Variants in GLS observed in about 807,000 individuals in gnomAD.
GLS encodes the protein glutaminase.
In GLS, 36 loss-of-function variants were observed where a neutral mutation model predicts 86.7. That is an observed-to-expected ratio of 0.42 (90% CI 0.32 to 0.55). The LOEUF is 0.55. GLS is among the 20% of genes least tolerant of loss of function. The pLI, the probability that GLS is intolerant of heterozygous loss-of-function variation, is 0.17. For synonymous variants in GLS, 317 were observed against 305.9 expected, an observed-to-expected ratio of 1.04 and a Z score of -0.38; for missense variants, 528 against 833.4, an observed-to-expected ratio of 0.63 and a Z score of 4.51.
At chr2:190,958,876 T>C (rs1369526342) in intron 17 of GLS, among the ~76,000 whole-genome samples, 3 of 152,248 alleles carry the variant, frequency 2.0e-5, no homozygotes, top group Non-Finnish European at 4.4e-5. Flanking sequence ...GATGTGGTGC[T>C]GAGAAAAATG....
intron 1 of GLS, among the ~76,000 whole-genome samples, chr2:190,886,136 G>A (rs1688371857): frequency 6.6e-6 from 1 of 152,068 alleles, no homozygotes; most frequent in African/African-American, 2.4e-5. Flanking sequence ...CTCCCAAATT[G>A]CTGGGATTAC....
chr2:190,881,682 C>T (rs933951648), intron 1 of GLS: 9 of 477,764 alleles, frequency 1.9e-5, no homozygotes, highest in Admixed American at 4.4e-5. Context: ...GCACCCACTT[C>T]CCTTCTCCGC....
chr2:190,933,443 T>G lies in GLS; in HGVS notation c.1650+1806T>G, dbSNP rs974366161. On this transcript the variant is annotated intron_variant, in intron 14 of 17. Coordinates refer to ENST00000320717, the MANE Select transcript of GLS (RefSeq NM_014905.5). ...AGATTGGCTTTACATTTTAAAAAAT[T>G]TATTTAAAAATTTATCAAATGCTTT... 24 of 875,190 alleles carry G rather than the reference T, an allele frequency of 2.7e-5. 1 individual carries two copies. The Admixed American group carries it at 5.0e-4, about 18-fold the overall frequency. 54.2% of individuals were successfully genotyped at this position (875,190 alleles called of 1,614,324 possible).
chr2:190,945,136 C>T (rs2124937220), intron 14 of GLS, among the ~76,000 whole-genome samples: 1 of 152,286 alleles, frequency 6.6e-6, no homozygotes, highest in Admixed American at 6.5e-5. Flanking sequence ...CTTCCACTTA[C>T]CAGCTCTGAT....
chr2:190,891,779 C>G (rs1688571688), intron 1 of GLS, among the ~76,000 whole-genome samples: 1 of 152,112 alleles, frequency 6.6e-6, no homozygotes, highest in Non-Finnish European at 1.5e-5. Flanking sequence ...ATTCTCAACA[C>G]TAAAAAATTA....
intron 17 of GLS, among the ~76,000 whole-genome samples, chr2:190,960,572 T>C (rs1257743180): frequency 6.6e-6 from 1 of 151,388 alleles, no homozygotes; most frequent in Non-Finnish European, 1.5e-5. Flanking sequence ...GGCAGAATCT[T>C]ACTATGTTGC....
At chr2:190,907,867 T>C (rs1239546170) in intron 6 of GLS, among the ~76,000 whole-genome samples, 1 of 152,160 alleles carries the variant, frequency 6.6e-6, no homozygotes, top group Non-Finnish European at 1.5e-5. Flanking sequence ...GAAGACATAC[T>C]TAAGCATTGA....
chr2:190,909,238 C>T (rs1394547195), intron 6 of GLS, among the ~76,000 whole-genome samples: 1 of 151,648 alleles, frequency 6.6e-6, no homozygotes, highest in African/African-American at 2.4e-5. Flanking sequence ...ATATGGTATA[C>T]AACATAGTGA....
In GLS at chr2:190,908,928, T is replaced by A. The variant is rs796577328; in HGVS notation, c.980-1335T>A. The stretch of plus-strand genomic sequence containing the variant: ...AAAATATTTAATACTCACATTTATG[T>A]GATACCATTTGGAGTACATAGATTA... On this transcript the variant is annotated intron_variant, in intron 6 of 17. Coordinates refer to ENST00000320717, the MANE Select transcript of GLS (RefSeq NM_014905.5). Among the ~76,000 whole-genome samples, 347 of 152,356 alleles carry A rather than the reference T, an allele frequency of 2.3e-3. 7 individuals carry two copies. The East Asian group carries it at 0.06, about 26-fold the overall frequency.
In GLS at chr2:190,956,187, G is replaced by C. The variant is rs971347292; in HGVS notation, c.1853+1369G>C. Reference sequence around the variant, plus strand: ...TTGCTTTTGGTGTTTTGGTCATGAAGTCTTTGCCCATGCCTATGTCCTGAA... The same window carrying C: ...TTGCTTTTGGTGTTTTGGTCATGAACTCTTTGCCCATGCCTATGTCCTGAA... On this transcript the variant is annotated intron_variant, in intron 17 of 17. Transcript: ENST00000320717. This position sits in a 1 kb window ranked among gnomAD's most constrained non-coding sequence, Gnocchi z 4.2. 2.0e-5 allele frequency among the ~76,000 whole-genome samples: 3 copies of C among 152,144 alleles called. No individual in the cohort carries two copies. The highest frequency in any genetic ancestry group is 7.2e-5 in the African/African-American group (3 of 41,422).
chr2:190,935,294 ATTG>A lies in GLS; in HGVS notation c.1650+3660_1650+3662del. The A allele has an allele frequency of 1.9e-6, 1 of 520,180 alleles. No individual in the cohort carries two copies. The highest frequency in any genetic ancestry group is 2.5e-6 in the Non-Finnish European group (1 of 405,260). The allele number at this position is 520,180 out of a possible 1,614,324, so 32.2% of individuals were successfully genotyped here. ...AATAAATTTATTTTAAGCTGATTTT[ATTG>A]TTTTTTTTGTTTTGTTTTGTTTTGT... On this transcript the variant is annotated intron_variant, in intron 14 of 17. Coordinates refer to ENST00000320717, the MANE Select transcript of GLS (RefSeq NM_014905.5). This position sits in a 1 kb window ranked among gnomAD's most constrained non-coding sequence, Gnocchi z 4.2.
intron 14 of GLS, among the ~76,000 whole-genome samples, chr2:190,936,949 T>C (rs2124926565): frequency 6.6e-6 from 1 of 151,410 alleles, no homozygotes; most frequent in South Asian, 2.1e-4. Context: ...AACGTGTGAT[T>C]TCTTCTCAAT....
Position 190,948,294 on chromosome 2 carries a change from C to T in GLS, c.1651-5271C>T, listed in dbSNP as rs1330925106. On this transcript the variant is annotated intron_variant, in intron 14 of 17. Transcript: ENST00000320717. Reference sequence around the variant, plus strand: ...TGTTAAGGCGAGCTAGTGTTTTTCCCTTCTGATTAGTTACAAAGCCTTTGT... The same window carrying T: ...TGTTAAGGCGAGCTAGTGTTTTTCCTTTCTGATTAGTTACAAAGCCTTTGT... Among the ~76,000 whole-genome samples, 11 of 152,212 alleles carry T rather than the reference C, an allele frequency of 7.2e-5. No homozygotes were observed. In the East Asian group the frequency reaches 2.1e-3, roughly 29 times the overall value.
At chr2:190,883,222 A>G (rs543734181) in intron 1 of GLS, among the ~76,000 whole-genome samples, 9 of 152,348 alleles carry the variant, frequency 5.9e-5, no homozygotes, top group Middle Eastern at 3.4e-3. Flanking sequence ...GGTTGTGAAG[A>G]AAGTTTTTTA....
chr2:190,961,502 G>A (rs886471550), intron 17 of GLS, among the ~76,000 whole-genome samples: 1 of 152,052 alleles, frequency 6.6e-6, no homozygotes, highest in Admixed American at 6.6e-5. Flanking sequence ...TGAAATTAGT[G>A]TATTCTTTAA....
rs1034556778 is a variant in GLS at position 190,963,179 on chromosome 2, C to T, written c.*193C>T. The T allele has an allele frequency of 4.3e-6, 2 of 459,898 alleles. No individual in the cohort carries two copies. The highest frequency in any genetic ancestry group is 7.7e-6 in the Non-Finnish European group (2 of 259,542). The allele number at this position is 459,898 out of a possible 1,614,324, so 28.5% of individuals were successfully genotyped here. A position where few individuals can be genotyped will look rare whatever the true frequency, so the allele number is the denominator to read the frequency against. On this transcript the variant is annotated 3_prime_UTR_variant, in exon 18 of 18. Coordinates refer to ENST00000320717, the MANE Select transcript of GLS (RefSeq NM_014905.5). The stretch of plus-strand genomic sequence containing the variant: ...AAAAAATAGAAATAAAACAATCTCC[C>T]TCCATAATGTGAGCAATATTACCTC...
In GLS at chr2:190,955,973, T is replaced by C. The variant is rs72498844; in HGVS notation, c.1853+1155T>C. On this transcript the variant is annotated intron_variant, in intron 17 of 17. Transcript: ENST00000320717. This position sits in a 1 kb window ranked among gnomAD's most constrained non-coding sequence, Gnocchi z 5.6. ...CTTCACCCACTTTTTGATGGGGTTT[T>C]TTTGTTGTTGTAAATTTGCTTAACT... Among the ~76,000 whole-genome samples, 4 of 152,324 alleles carry C rather than the reference T, an allele frequency of 2.6e-5. No individual in the cohort carries two copies. In the South Asian group the frequency reaches 8.3e-4, roughly 32 times the overall value.
rs1688105071 is a variant in GLS at position 190,880,830 on chromosome 2, C to T, written c.-255C>T. On this transcript the variant is annotated 5_prime_UTR_variant, in exon 1 of 18. Coordinates refer to ENST00000320717, the MANE Select transcript of GLS (RefSeq NM_014905.5). ...CCTGCGCTTTAGCCTCAGTGCGGAG[C>T]CTTAGGCGGAGCGAAGAGAACCGGT... is the stretch of plus-strand genomic sequence containing the variant. 1.3e-6 allele frequency: 1 copy of T among 753,534 alleles called. No individual in the cohort carries two copies. Among genetic ancestry groups the T allele is most frequent in the East Asian group, 3.0e-5 (1 of 33,366 alleles). The allele number at this position is 753,534 out of a possible 1,614,324, so 46.7% of individuals were successfully genotyped here. A position where few individuals can be genotyped will look rare whatever the true frequency, so the allele number is the denominator to read the frequency against.
In GLS at chr2:190,900,560, A is replaced by G. The variant is rs370363481; in HGVS notation, c.606-4A>G. 10 of 1,568,770 alleles carry G rather than the reference A, an allele frequency of 6.4e-6. No homozygotes were observed. In the Admixed American group the frequency reaches 6.9e-5, roughly 11 times the overall value. On this transcript the variant is annotated splice_region_variant and splice_polypyrimidine_tract_variant and intron_variant, in intron 3 of 17. Transcript: ENST00000320717. Reference sequence around the variant, plus strand: ...TTTATTAATTATCTTTTTACATTCTACAGATGTGTTCAGAGCAACATTGTT... The same window carrying G: ...TTTATTAATTATCTTTTTACATTCTGCAGATGTGTTCAGAGCAACATTGTT...
Sources: gnomAD v4.1 joint callset for allele counts (sites outside exome capture counted in the v4.1 genomes callset) on GRCh38, gnomAD v4.1.1 for gene constraint, Gnocchi (gnomAD v3.1) non-coding constraint, MANE v1.5 for transcripts, NCBI Gene and HGNC (gene_info 2026-07-23, HGNC 2026-07-21) for gene names.